The following CHD7 variants were observed in gnomAD, a reference collection of about 807,000 sequenced individuals.
CHD7 encodes chromodomain helicase DNA binding protein 7.
CHD7 carries 24 observed loss-of-function variants against 307.3 expected under a neutral mutation model. The observed-to-expected ratio is 0.08, with a 90% CI of 0.06 to 0.11. The LOEUF (loss-of-function observed/expected upper bound fraction) is 0.11. Ranked by LOEUF, CHD7 falls within the 10% of genes least tolerant of loss-of-function variation. The pLI is 1.00. For missense variants in CHD7, 3,106 were observed against 3,727.1 expected, an observed-to-expected ratio of 0.83 and a Z score of 4.34; for synonymous variants, 1,363 against 1,349.9, an observed-to-expected ratio of 1.01 and a Z score of -0.21.
chr8:60,816,132 T>G (rs2150738401), intron 7 of CHD7, among the ~76,000 whole-genome samples: 1 of 151,630 alleles, frequency 6.6e-6, no homozygotes, highest in South Asian at 2.1e-4. Flanking sequence ...TCTCTCTCTC[T>G]CTCTCTCTCT....
Position 60,742,936 on chromosome 8 carries a change from C to G in CHD7, c.1504C>G (p.Pro502Ala). 3.1e-6 allele frequency: 5 copies of G among 1,613,380 alleles called. No homozygotes were observed. In the South Asian group the frequency reaches 5.5e-5, roughly 18 times the overall value. ...QERLIPGQQHPGQQPSFQQLP... is the reference protein window; with the variant it reads ...QERLIPGQQHAGQQPSFQQLP... ...ACGACTGATACCTGGCCAACAACATCCTGGTCAACAGCCATCTTTTCAGCA... is the reference window on the plus strand; with the variant it reads ...ACGACTGATACCTGGCCAACAACATGCTGGTCAACAGCCATCTTTTCAGCA... Residue 502 changes from proline to alanine, a missense_variant, in exon 2 of 38, where the codon CCT becomes GCT. Physicochemically the swap from Pro to Ala is conservative, Grantham distance 27. Coordinates refer to ENST00000423902, the MANE Select transcript of CHD7 (RefSeq NM_017780.4).
rs199966549 is a variant in CHD7 at position 60,856,450 on chromosome 8, T to C, written c.7170T>C (p.Asp2390=). 1 of 1,607,718 alleles carries C rather than the reference T, an allele frequency of 6.2e-7. No homozygotes were observed. Among genetic ancestry groups the C allele is most frequent in the African/African-American group, 1.3e-5 (1 of 74,568 alleles). The change falls in exon 34 of 38, where the codon GAT becomes GAC. Residue 2390 remains aspartate (D), a synonymous_variant. Transcript: ENST00000423902. ...ITTSPQLSKE[D]ALNLSVPRQR... The stretch of plus-strand genomic sequence containing the variant: ...CTGTTGGAATTTTTCAATAGGAAGA[T>C]GCCCTCAACCTCTCTGTCCCTCGCC...
intron 1 of CHD7, among the ~76,000 whole-genome samples, chr8:60,702,696 C>T (rs1490893071): frequency 6.6e-6 from 1 of 152,196 alleles, no homozygotes; most frequent in Non-Finnish European, 1.5e-5. Flanking sequence ...CCAATAGCTT[C>T]GTTTTCATAG....
intron 8 of CHD7, among the ~76,000 whole-genome samples, chr8:60,817,582 T>C (rs1226641512): frequency 3.9e-5 from 6 of 152,180 alleles, no homozygotes; most frequent in African/African-American, 1.2e-4. Context: ...GTGCAGCATT[T>C]TTGGCAGTGC....
In CHD7 at chr8:60,859,900, G is replaced by T. The variant is rs1805889904; in HGVS notation, c.7609-1004G>T. On this transcript the variant is annotated intron_variant, in intron 34 of 37. Coordinates refer to ENST00000423902, the MANE Select transcript of CHD7 (RefSeq NM_017780.4). ...TGATGTGACATAATTTTTTGAACTG[G>T]GAAGGGCTGCATTTTAGAAAACTGA... Among the ~76,000 whole-genome samples the T allele has an allele frequency of 2.0e-5, 3 of 152,274 alleles. No individual in the cohort carries two copies. The South Asian group carries it at 6.2e-4, about 32-fold the overall frequency.
At chr8:60,688,322 T>TAC (rs1806018778) in intron 1 of CHD7, among the ~76,000 whole-genome samples, 1 of 152,170 alleles carries the variant, frequency 6.6e-6, no homozygotes, top group African/African-American at 2.4e-5. Flanking sequence ...ATACTTGGTA[T>TAC]AGCATATGGC....
At chr8:60,710,514 A>G (rs1807236765) in intron 1 of CHD7, among the ~76,000 whole-genome samples, 1 of 152,210 alleles carries the variant, frequency 6.6e-6, no homozygotes, top group South Asian at 2.1e-4. Flanking sequence ...TCAGGATTCA[A>G]AAACTCAGTG....
intron 1 of CHD7, among the ~76,000 whole-genome samples, chr8:60,688,063 G>C (rs375115555): frequency 1.3e-5 from 2 of 152,208 alleles, no homozygotes; most frequent in East Asian, 3.8e-4. Flanking sequence ...TGCTGTAGTT[G>C]TGGGGCCATA....
In CHD7 at chr8:60,830,528, C is replaced by T; in HGVS notation, c.3729C>T (p.Asn1243=). The T allele has an allele frequency of 6.2e-7, 1 of 1,613,984 alleles. No homozygotes were observed. The highest frequency in any genetic ancestry group is 8.5e-7 in the Non-Finnish European group (1 of 1,179,856). ...AAGCTAACGTACCTAACCTATTAAACACTATGATGGAATTGCGGAAGTGCT... is the reference window on the plus strand; with the variant it reads ...AAGCTAACGTACCTAACCTATTAAATACTATGATGGAATTGCGGAAGTGCT... ...GGQANVPNLL[N]TMMELRKCCN... is the part of the protein sequence containing the mutation. The change falls in exon 15 of 38, where the codon AAC becomes AAT. Residue 1243 remains asparagine, a synonymous_variant. Coordinates refer to ENST00000423902, the MANE Select transcript of CHD7 (RefSeq NM_017780.4).
intron 1 of CHD7, among the ~76,000 whole-genome samples, chr8:60,719,780 C>T (rs549419860): frequency 5.7e-4 from 87 of 152,248 alleles, no homozygotes; most frequent in African/African-American, 2.1e-3. Flanking sequence ...AACTTCTCAT[C>T]CCCACAGGTC....
intron 2 of CHD7, among the ~76,000 whole-genome samples, chr8:60,777,159 G>A (rs1810991514): frequency 6.6e-6 from 1 of 152,068 alleles, no homozygotes; most frequent in African/African-American, 2.4e-5. Context: ...TGGTCCGCTT[G>A]GTACCATCTT....
chr8:60,747,923 A>C (rs921032341), intron 2 of CHD7, among the ~76,000 whole-genome samples: 1 of 152,264 alleles, frequency 6.6e-6, no homozygotes, highest in Non-Finnish European at 1.5e-5. Context: ...GTGGGGACTC[A>C]AAAACAATAC....
In CHD7 at chr8:60,742,805, C is replaced by T; in HGVS notation, c.1373C>T (p.Ser458Phe). ...RNMGPRNMQQ[S>F]RPFIGMSSAP... ...ATGGGCCCCAGAAACATGCAGCAGT[C>T]TCGTCCATTTATAGGCATGTCCTCG... is the stretch of plus-strand genomic sequence containing the variant. Residue 458 changes from serine (S) to phenylalanine (F), a missense_variant, in exon 2 of 38, where the codon TCT (serine) becomes TTT (phenylalanine). Around this residue, in one of 10 missense-constraint regions of CHD7, gnomAD observed 998 missense variants for 1,004.5 expected, o/e 0.99. Coordinates refer to ENST00000423902, the MANE Select transcript of CHD7 (RefSeq NM_017780.4). 6.2e-7 allele frequency: 1 copy of T among 1,614,028 alleles called. No individual in the cohort carries two copies. The highest frequency in any genetic ancestry group is 8.5e-7 in the Non-Finnish European group (1 of 1,179,882).
At chr8:60,851,365 G>C (rs951712774) in intron 28 of CHD7, 46 bp downstream of exon 28, 1 of 1,425,026 alleles carries the variant, frequency 7.0e-7, no homozygotes, top group East Asian at 2.5e-5. Flanking sequence ...CGTGCACTGA[G>C]CAGTCATTGT....
At chr8:60,842,157 C>CTT in intron 21 of CHD7, 105 bp downstream of exon 21, 1 of 896,808 alleles carries the variant, frequency 1.1e-6, no homozygotes, top group Non-Finnish European at 1.7e-6. Flanking sequence ...TGTGACACCC[C>CTT]TTTGCACAGT....
chr8:60,795,579 A>G (rs1381009486), intron 4 of CHD7, among the ~76,000 whole-genome samples: 1 of 152,236 alleles, frequency 6.6e-6, no homozygotes, highest in African/African-American at 2.4e-5. Context: ...CTCAAAGTTG[A>G]GATATAGTCA....
At chr8:60,734,120 G>A (rs1808589013) in intron 1 of CHD7, among the ~76,000 whole-genome samples, 1 of 152,148 alleles carries the variant, frequency 6.6e-6, no homozygotes, top group South Asian at 2.1e-4. Flanking sequence ...TCTTTGTATT[G>A]CTTTATAATA....
intron 34 of CHD7, among the ~76,000 whole-genome samples, chr8:60,857,435 G>A (rs1301963044): frequency 6.6e-6 from 1 of 152,202 alleles, no homozygotes; most frequent in Non-Finnish European, 1.5e-5. Flanking sequence ...ATAAATTAAT[G>A]CAGTATAATC....
intron 1 of CHD7, among the ~76,000 whole-genome samples, chr8:60,702,589 C>T (rs1005995294): frequency 1.3e-5 from 2 of 152,326 alleles, no homozygotes; most frequent in Non-Finnish European, 2.9e-5. Flanking sequence ...AACTTAAAAA[C>T]GAAATCTCTT....
Sources: allele counts gnomAD v4.1 joint callset (sites outside exome capture counted in the v4.1 genomes callset), GRCh38; gene constraint gnomAD v4.1.1; regional missense constraint gnomAD v4.1.1; transcripts MANE v1.5; gene names NCBI Gene and HGNC (gene_info 2026-07-23, HGNC 2026-07-21).